Variants in ACYP1 observed in about 807,000 individuals in gnomAD.
ACYP1 encodes the protein acylphosphatase 1, also known as acylphosphatase-1.
Under a neutral mutation model 10.4 loss-of-function variants are expected in ACYP1, and 8 were observed. That is an observed-to-expected ratio of 0.77 (90% CI 0.45 to 1.38). ACYP1 has a LOEUF of 1.38. ACYP1 is among the 40% of genes most tolerant of loss of function. The probability of loss-of-function intolerance (pLI) is 0.00; values close to 1 mark genes in which losing one functional copy is unlikely to be tolerated. For missense variants in ACYP1, 93 were observed against 117.3 expected (o/e 0.79, Z 0.96); for synonymous variants, 38 against 40.8 (o/e 0.93, Z 0.26).
At chr14:75,066,750 G>A (rs937627005), upstream of ACYP1, among the ~76,000 whole-genome samples, 1 of 152,162 alleles carries the variant, frequency 6.6e-6, no homozygotes, top group African/African-American at 2.4e-5. Context: ...TACTAGGGAG[G>A]CCAAGGCAGG....
At chr14:75,061,717 A>C in intron 2 of ACYP1, 1 of 1,593,898 alleles carries the variant, frequency 6.3e-7, no homozygotes, top group Non-Finnish European at 8.6e-7. Flanking sequence ...ACTGGAACAC[A>C]GCTCTTGCTG....
intron 2 of ACYP1, among the ~76,000 whole-genome samples, chr14:75,060,815 C>T (rs1892995772): frequency 6.6e-6 from 1 of 152,150 alleles, no homozygotes; most frequent in Non-Finnish European, 1.5e-5. Context: ...CGTGTAATCC[C>T]AGCACTTTGG....
At chr14:75,064,195 C>A, upstream of ACYP1, 1 of 196,524 alleles carries the variant, frequency 5.1e-6, no homozygotes, top group Non-Finnish European at 9.2e-6. Flanking sequence ...GGGATCTGTC[C>A]AGGAACTCGG....
At chr14:75,069,238 G>T (rs1267077760) in exon 1 of ACYP1, 2 of 1,501,672 alleles carry the variant, frequency 1.3e-6, no homozygotes, top group South Asian at 1.2e-5. Context: ...AGCCGAGCGC[G>T]CGGAGAAAGG....
upstream of ACYP1, among the ~76,000 whole-genome samples, chr14:75,066,720 T>C (rs954763233): frequency 6.6e-6 from 1 of 152,104 alleles, no homozygotes; most frequent in Non-Finnish European, 1.5e-5. Context: ...GGCGTGGTGG[T>C]GCACACCTGT....
intron 2 of ACYP1, among the ~76,000 whole-genome samples, chr14:75,057,978 A>AAAC (rs1892919633): frequency 2.0e-5 from 3 of 147,448 alleles, no homozygotes; most frequent in East Asian, 2.0e-4. Context: ...AAAAAAAAAA[A>AAAC]AAAAAAAAAA....
At chr14:75,064,040 G>A, upstream of ACYP1, 5 of 988,416 alleles carry the variant, frequency 5.1e-6, no homozygotes, top group Non-Finnish European at 6.0e-6. Flanking sequence ...TCCGCGCCCG[G>A]AAGTTTAGTG....
chr14:75,067,227 A>ATG (rs1491126334), upstream of ACYP1, among the ~76,000 whole-genome samples: 8 of 144,764 alleles, frequency 5.5e-5, no homozygotes, highest in African/African-American at 1.8e-4. Flanking sequence ...ACACACACAC[A>ATG]TATATATGAA....
At chr14:75,067,451 T>G (rs1033444305), upstream of ACYP1, among the ~76,000 whole-genome samples, 1 of 152,090 alleles carries the variant, frequency 6.6e-6, no homozygotes, top group Non-Finnish European at 1.5e-5. Context: ...ACTGGTAGCT[T>G]TGTAGTTAAA....
At chr14:75,063,914 C>A in intron 1 of ACYP1, 40 bp downstream of exon 1, 2 of 1,010,100 alleles carry the variant, frequency 2.0e-6, no homozygotes, top group Non-Finnish European at 2.4e-6. Context: ...TAGGGCTAAT[C>A]GACCTGAGAA....
chr14:75,058,457 A>G (rs1439709214), intron 2 of ACYP1, among the ~76,000 whole-genome samples: 2 of 151,286 alleles, frequency 1.3e-5, no homozygotes, highest in African/African-American at 2.5e-5. Context: ...TTCAAAAAAA[A>G]TAAATAAAAA....
chr14:75,057,964 C>CAA (rs769312151), intron 2 of ACYP1, among the ~76,000 whole-genome samples: 980 of 38,776 alleles, frequency 0.025, 228 homozygotes, highest in Middle Eastern at 0.19. Flanking sequence ...GACTCTGTCT[C>CAA]AAAAAAAAAA....
upstream of ACYP1, among the ~76,000 whole-genome samples, chr14:75,068,433 A>G (rs914562386): frequency 7.2e-5 from 11 of 152,168 alleles, no homozygotes; most frequent in African/African-American, 2.4e-4. Flanking sequence ...AGAGAACTCA[A>G]TGGAACTCAA....
intron 2 of ACYP1, among the ~76,000 whole-genome samples, chr14:75,060,832 G>T (rs889320518): frequency 2.0e-5 from 3 of 152,188 alleles, no homozygotes; most frequent in Non-Finnish European, 2.9e-5. Context: ...TTGGGAGGCT[G>T]AGGTAGGTGG....
At chr14:75,066,074 C>G (rs1342593345), upstream of ACYP1, among the ~76,000 whole-genome samples, 1 of 152,188 alleles carries the variant, frequency 6.6e-6, no homozygotes, top group East Asian at 1.9e-4. Flanking sequence ...ATATTGCTTT[C>G]CAAGTAGTCT....
At chr14:75,063,310 C>T in intron 2 of ACYP1, 160 bp downstream of exon 2, 4 of 622,566 alleles carry the variant, frequency 6.4e-6, no homozygotes, top group Non-Finnish European at 8.7e-6. Flanking sequence ...CATGTTTTAC[C>T]GATTGCACAG....
intron 2 of ACYP1, among the ~76,000 whole-genome samples, chr14:75,058,230 C>T (rs1332862636): frequency 2.0e-5 from 3 of 150,514 alleles, no homozygotes; most frequent in Non-Finnish European, 4.4e-5. Context: ...GGGCGGATCA[C>T]CTGAGGTCAG....
upstream of ACYP1, chr14:75,064,248 A>G (rs1893104878): frequency 2.0e-5 from 3 of 153,048 alleles, no homozygotes; most frequent in Non-Finnish European, 1.5e-5. Flanking sequence ...CTCAGTCAAC[A>G]AGCGCAACCC....
intron 1 of ACYP1, chr14:75,069,191 C>T: frequency 6.6e-7 from 1 of 1,515,710 alleles, no homozygotes; most frequent in Admixed American, 2.1e-5. Context: ...AAGCAAGGAG[C>T]GCGCGCGTGC....
Sources: allele counts gnomAD v4.1 joint callset (sites outside exome capture counted in the v4.1 genomes callset), GRCh38; gene constraint gnomAD v4.1.1; transcripts MANE v1.5; gene names NCBI Gene and HGNC (gene_info 2026-07-23, HGNC 2026-07-21).